Variants in DNAJC6 observed in about 807,000 individuals in gnomAD.
DNAJC6 encodes the protein auxilin.
A neutral mutation model predicts 110.0 loss-of-function variants in DNAJC6; 34 were observed. The ratio of observed to expected loss-of-function variants is 0.31; its 90% CI spans 0.24 to 0.41. DNAJC6 has a LOEUF of 0.41. DNAJC6 is among the 10% of genes least tolerant of loss of function. The pLI, the probability that DNAJC6 is intolerant of heterozygous loss-of-function variation, is 1.00. For synonymous variants in DNAJC6, 406 were observed against 437.2 expected (o/e 0.93, Z 0.89); for missense variants, 1,031 against 1,207.8 (o/e 0.85, Z 2.17).
chr1:65,326,915 T>C (rs1645246662), intron 1 of DNAJC6, among the ~76,000 whole-genome samples: 1 of 152,192 alleles, frequency 6.6e-6, no homozygotes, highest in Non-Finnish European at 1.5e-5. Flanking sequence ...TTAGACAGAC[T>C]AGGGCATGTG....
At chr1:65,398,915 T>G in intron 14 of DNAJC6, 34 bp downstream of exon 14, 1 of 1,608,102 alleles carries the variant, frequency 6.2e-7, no homozygotes. Flanking sequence ...CACATTTATA[T>G]AATTGCAAAA....
chr1:65,272,249 A>C (rs979692393), intron 1 of DNAJC6, among the ~76,000 whole-genome samples: 1 of 152,234 alleles, frequency 6.6e-6, no homozygotes, highest in East Asian at 1.9e-4. Flanking sequence ...CTACTGTGCT[A>C]AGTTTTTATC....
intron 4 of DNAJC6, among the ~76,000 whole-genome samples, chr1:65,368,640 CATT>C (rs1645673484): frequency 6.7e-6 from 1 of 149,742 alleles, no homozygotes; most frequent in Non-Finnish European, 1.5e-5. Flanking sequence ...TCCTCCTCCT[CATT>C]CTTCTTCTCC....
In DNAJC6 at chr1:65,274,235, T is replaced by C. The variant is rs574828424; in HGVS notation, c.-131+9303T>C. Among the ~76,000 whole-genome samples, 16 of 152,278 alleles carry C rather than the reference T, an allele frequency of 1.1e-4. No individual in the cohort carries two copies. In the East Asian group the frequency reaches 2.7e-3, roughly 26 times the overall value. On this transcript the variant is annotated intron_variant, in intron 1 of 19. Transcript: ENST00000263441. ...TCCCTTATAATCTACCTTTTTGATA[T>C]TAATGTAGCTATACCAACTTTCTTT...
intron 1 of DNAJC6, among the ~76,000 whole-genome samples, chr1:65,329,940 C>T (rs1319994892): frequency 3.3e-5 from 5 of 152,206 alleles, no homozygotes; most frequent in African/African-American, 1.2e-4. Context: ...GTGCAACATA[C>T]ATTCTTTTGA....
intron 1 of DNAJC6, among the ~76,000 whole-genome samples, chr1:65,265,171 A>C (rs577229176): frequency 7.7e-4 from 117 of 152,218 alleles, no homozygotes; most frequent in African/African-American, 2.5e-3. Flanking sequence ...ATATAACCCT[A>C]TTTTTGCATT....
At chr1:65,356,565 A>AAAAT (rs879748752) in intron 1 of DNAJC6, among the ~76,000 whole-genome samples, 10 of 146,058 alleles carry the variant, frequency 6.8e-5, no homozygotes, top group African/African-American at 1.5e-4. Context: ...CTCTGTCTCA[A>AAAAT]AAATAAATAA....
chr1:65,399,170 T>A (rs534217928), intron 14 of DNAJC6, among the ~76,000 whole-genome samples: 62 of 152,214 alleles, frequency 4.1e-4, no homozygotes, highest in Non-Finnish European at 5.7e-4. Context: ...TTAGAAACTC[T>A]TGGGTTTTTT....
intron 1 of DNAJC6, among the ~76,000 whole-genome samples, chr1:65,336,959 T>G (rs1645342728): frequency 6.6e-6 from 1 of 152,098 alleles, no homozygotes; most frequent in Non-Finnish European, 1.5e-5. Context: ...TGCTTGGTTT[T>G]AAAGTTTCTT....
At chr1:65,273,049 G>A (rs750049277) in intron 1 of DNAJC6, among the ~76,000 whole-genome samples, 2 of 151,952 alleles carry the variant, frequency 1.3e-5, no homozygotes, top group East Asian at 3.8e-4. Flanking sequence ...TATTGTCCTG[G>A]TAATTCTCAC....
intron 1 of DNAJC6, among the ~76,000 whole-genome samples, chr1:65,299,454 TC>T (rs1201331057): frequency 6.6e-6 from 1 of 152,168 alleles, no homozygotes; most frequent in Admixed American, 6.5e-5. Context: ...GCTGGGTCTG[TC>T]CTGAAAGGCA....
chr1:65,315,423 C>T (rs1306690617), intron 1 of DNAJC6, among the ~76,000 whole-genome samples: 1 of 152,022 alleles, frequency 6.6e-6, no homozygotes, highest in Non-Finnish European at 1.5e-5. Context: ...TCATTTAGGT[C>T]CTTGCCTCAG....
chr1:65,312,724 G>T (rs77592988), intron 1 of DNAJC6, among the ~76,000 whole-genome samples: 9,048 of 152,230 alleles, frequency 0.059, 322 homozygotes, highest in Non-Finnish European at 0.079. Flanking sequence ...TAAATAGGTT[G>T]GGGAAGCAGC....
rs1645902932 is a variant in DNAJC6, at chr1:65,389,401, A to G, written c.1339A>G (p.Ile447Val). The G allele has an allele frequency of 1.2e-6, 2 of 1,614,052 alleles. No individual in the cohort carries two copies. Among genetic ancestry groups the G allele is most frequent in the African/African-American group, 1.3e-5 (1 of 74,926 alleles). Residue 447 changes from isoleucine (I) to valine (V), a missense_variant, in exon 10 of 19, where the codon ATC becomes GTC. Transcript: ENST00000371069. The stretch of plus-strand genomic sequence containing the variant: ...CTGCACAAAAGATGTCAATCCCAGC[A>G]TCCTCTTCTCTTCTCACCAGGAACA... ...HYCTKDVNPS[I>V]LFSSHQEHQD...
intron 4 of DNAJC6, among the ~76,000 whole-genome samples, chr1:65,371,737 T>C (rs1264028423): frequency 6.6e-6 from 1 of 152,158 alleles, no homozygotes; most frequent in African/African-American, 2.4e-5. Context: ...ATCATGGCAG[T>C]GCTGTAATCT....
intron 1 of DNAJC6, among the ~76,000 whole-genome samples, chr1:65,287,561 C>G (rs191676517): frequency 3.3e-4 from 50 of 152,262 alleles, no homozygotes; most frequent in African/African-American, 1.2e-3. Context: ...AGAACAATCA[C>G]TCCCCCATTT....
intron 1 of DNAJC6, among the ~76,000 whole-genome samples, chr1:65,284,120 T>C (rs146766943): frequency 6.6e-6 from 1 of 152,312 alleles, no homozygotes; most frequent in African/African-American, 2.4e-5. Flanking sequence ...AAAAGTGCTC[T>C]CCACTGCTGC....
At chr1:65,381,197 G>A (rs1013243388) in intron 5 of DNAJC6, among the ~76,000 whole-genome samples, 4 of 151,922 alleles carry the variant, frequency 2.6e-5, no homozygotes, top group East Asian at 1.9e-4. Flanking sequence ...GATTACAGGC[G>A]TGACCCCACC....
intron 1 of DNAJC6, among the ~76,000 whole-genome samples, chr1:65,284,646 C>G (rs1021775951): frequency 6.6e-6 from 1 of 152,092 alleles, no homozygotes; most frequent in East Asian, 1.9e-4. Context: ...AGTGTTTTCC[C>G]CAAATTTTGG....
Sources: gnomAD v4.1 joint callset for allele counts (sites outside exome capture counted in the v4.1 genomes callset) on GRCh38, gnomAD v4.1.1 for gene constraint, MANE v1.5 for transcripts, NCBI Gene and HGNC (gene_info 2026-07-23, HGNC 2026-07-21) for gene names.